The following VPS13A variants were observed in gnomAD, a reference collection of about 807,000 sequenced individuals.
VPS13A encodes vacuolar protein sorting 13 homolog A.
Under a neutral mutation model 390.9 loss-of-function variants are expected in VPS13A, and 264 were observed. The ratio of observed to expected loss-of-function variants is 0.68; its 90% CI spans 0.61 to 0.75. VPS13A has a LOEUF of 0.75. VPS13A is among the 30% of genes least tolerant of loss of function. The pLI is 0.00. For missense variants in VPS13A, 3,409 were observed against 3,733.9 expected (o/e 0.91, Z 2.27); for synonymous variants, 1,231 against 1,227.1 (o/e 1.00, Z -0.07).
At chr9:77,400,887 C>G (rs958108648) in intron 68 of VPS13A, among the ~76,000 whole-genome samples, 3 of 150,006 alleles carry the variant, frequency 2.0e-5, no homozygotes, top group Non-Finnish European at 3.0e-5. Flanking sequence ...TAGTTATTTT[C>G]TATACTTAAA....
rs1231972759 is a variant in VPS13A, at chr9:77,260,903, C to A, written c.2427+679C>A. On this transcript the variant is annotated intron_variant, in intron 23 of 71. Transcript: ENST00000360280. ...GTGTGTATACATACATGTATATATTCATTTTTTTTTTTTGAAACAGAGCCT... is the reference window on the plus strand; with the variant it reads ...GTGTGTATACATACATGTATATATTAATTTTTTTTTTTTGAAACAGAGCCT... 4.7e-5 allele frequency among the ~76,000 whole-genome samples: 7 copies of A among 150,502 alleles called. No homozygotes were observed. The South Asian group carries it at 1.5e-3, about 32-fold the overall frequency.
At chr9:77,358,968 G>C (rs529399301) in intron 57 of VPS13A, among the ~76,000 whole-genome samples, 380 of 152,022 alleles carry the variant, frequency 2.5e-3, no homozygotes, top group Non-Finnish European at 4.3e-3. Context: ...AACTATCCTG[G>C]GGGGAGTACT....
At chr9:77,252,378 T>TA (rs774505453) in intron 22 of VPS13A, 26 bp downstream of exon 22, 49 of 1,563,362 alleles carry the variant, frequency 3.1e-5, no homozygotes, top group Non-Finnish European at 8.8e-7. Context: ...TTCATGTGAA[T>TA]ATGGATTTTC....
intron 11 of VPS13A, 28 bp downstream of exon 11, chr9:77,220,109 T>C (rs745935308): frequency 1.1e-5 from 17 of 1,583,870 alleles, no homozygotes; most frequent in Non-Finnish European, 8.6e-6. Flanking sequence ...AATTTTCAAT[T>C]GTGAATTATT....
At position 77,228,213 on chromosome 9, in the gene VPS13A, T is replaced by C. The variant is rs201582330; in HGVS notation, c.1544T>C (p.Ile515Thr). ...HQKPELVDIV[I>T]EEFSTLIVQR... is the part of the protein sequence containing the mutation. ...AAACCTGAGCTGGTAGATATTGTAA[T>C]AGAAGAATTTAGCACCTTAATTGTG... Residue 515 changes from isoleucine to threonine, a missense_variant, in exon 17 of 72, where the codon ATA becomes ACA. Ile to Thr is a moderately conservative substitution (Grantham distance 89). Coordinates refer to ENST00000360280, the MANE Select transcript of VPS13A (RefSeq NM_033305.3). 5.0e-6 allele frequency: 8 copies of C among 1,603,800 alleles called. No homozygotes were observed. The highest frequency in any genetic ancestry group is 1.3e-5 in the African/African-American group (1 of 74,776).
At position 77,339,539 on chromosome 9, in the gene VPS13A, T is replaced by C. The variant is rs750234482; in HGVS notation, c.6402T>C (p.Thr2134=). The C allele has an allele frequency of 1.3e-6, 2 of 1,555,854 alleles. No individual in the cohort carries two copies. The highest frequency in any genetic ancestry group is 1.2e-5 in the South Asian group (1 of 83,770). ...AGGGAATTGAAAATTCGGTTTTTACTCTAAGTGAAGGACATTCAGCCCAGA... is the reference window on the plus strand; with the variant it reads ...AGGGAATTGAAAATTCGGTTTTTACCCTAAGTGAAGGACATTCAGCCCAGA... ...YIEGIENSVF[T]LSEGHSAQIC... Residue 2134 remains threonine, a synonymous_variant, in exon 48 of 72, where the codon ACT becomes ACC. Coordinates refer to ENST00000360280, the MANE Select transcript of VPS13A (RefSeq NM_033305.3).
At position 77,213,675 on chromosome 9, in the gene VPS13A, AT is replaced by A. The variant is rs1335002962; in HGVS notation, c.696+368del. Among the ~76,000 whole-genome samples the A allele has an allele frequency of 4.0e-5, 6 of 151,772 alleles. No individual in the cohort carries two copies. The South Asian group carries it at 1.0e-3, about 26-fold the overall frequency. ...GCCACCATGCCCAGCTAATTTTTAA[AT>A]TTTTTTGTAGAGACAAGGTCTCACT... is the stretch of plus-strand genomic sequence containing the variant. On this transcript the variant is annotated intron_variant, in intron 9 of 71. Transcript: ENST00000360280.
chr9:77,368,510 A>AT (rs138174176), intron 62 of VPS13A, among the ~76,000 whole-genome samples: 9,123 of 152,226 alleles, frequency 0.06, 377 homozygotes, highest in South Asian at 0.12. Flanking sequence ...AGCCAGATGT[A>AT]TTTTTTTAAC....
At chr9:77,237,334 C>T (rs1824208345) in intron 17 of VPS13A, among the ~76,000 whole-genome samples, 1 of 152,060 alleles carries the variant, frequency 6.6e-6, no homozygotes, top group African/African-American at 2.4e-5. Flanking sequence ...TCTCGAAGTC[C>T]TGCCTCATCC....
intron 58 of VPS13A, among the ~76,000 whole-genome samples, chr9:77,360,124 A>G (rs17340032): frequency 0.058 from 8,755 of 152,060 alleles, 370 homozygotes; most frequent in South Asian, 0.12. Context: ...TTTATTGTTC[A>G]TGTGTACCTA....
intron 1 of VPS13A, among the ~76,000 whole-genome samples, chr9:77,179,706 G>A (rs1160976785): frequency 7.1e-6 from 1 of 141,200 alleles, no homozygotes; most frequent in African/African-American, 2.6e-5. Flanking sequence ...TTTTTTTTGA[G>A]ATTTATTTCA....
intron 23 of VPS13A, among the ~76,000 whole-genome samples, chr9:77,265,293 G>A (rs1825974125): frequency 6.6e-6 from 1 of 152,178 alleles, no homozygotes; most frequent in Non-Finnish European, 1.5e-5. Context: ...TTTGGTAGCA[G>A]GATGAGGCTG....
intron 33 of VPS13A, among the ~76,000 whole-genome samples, chr9:77,300,064 C>A (rs867417919): frequency 6.6e-6 from 1 of 152,066 alleles, no homozygotes; most frequent in South Asian, 2.1e-4. Context: ...GCACATTCTG[C>A]ACATGTATCC....
At chr9:77,204,379 C>G (rs747332968) in intron 3 of VPS13A, among the ~76,000 whole-genome samples, 1 of 151,750 alleles carries the variant, frequency 6.6e-6, no homozygotes, top group Non-Finnish European at 1.5e-5. Context: ...TTCAAGAACC[C>G]TTACGCTTAA....
At chr9:77,340,651 T>C in intron 50 of VPS13A, 101 bp downstream of exon 50, 1 of 1,442,006 alleles carries the variant, frequency 6.9e-7, no homozygotes, top group African/African-American at 1.4e-5. Flanking sequence ...CTCCCCTTAC[T>C]CCAATTTTGT....
At chr9:77,340,137 G>T in intron 48 of VPS13A, 41 bp from the exon 49 acceptor site, 1 of 1,566,712 alleles carries the variant, frequency 6.4e-7, no homozygotes, top group Non-Finnish European at 8.8e-7. Flanking sequence ...AATTTTTAAA[G>T]GTACCTAAAT....
chr9:77,299,115 T>C (rs1056654676), intron 33 of VPS13A, among the ~76,000 whole-genome samples: 2 of 152,226 alleles, frequency 1.3e-5, no homozygotes, highest in African/African-American at 4.8e-5. Context: ...TCCATTGGTC[T>C]ATATATCCGT....
chr9:77,370,713 C>A, intron 65 of VPS13A, 135 bp downstream of exon 65: 1 of 1,387,614 alleles, frequency 7.2e-7, no homozygotes, highest in Non-Finnish European at 1.0e-6. Flanking sequence ...TGGGTGGTAG[C>A]ATATAAAACA....
intron 68 of VPS13A, among the ~76,000 whole-genome samples, chr9:77,397,179 C>T (rs1045756285): frequency 6.6e-6 from 1 of 151,988 alleles, no homozygotes; most frequent in Non-Finnish European, 1.5e-5. Flanking sequence ...TTAGTGGAGA[C>T]GGGGTCTCAC....
Sources: gnomAD v4.1 joint callset for allele counts (sites outside exome capture counted in the v4.1 genomes callset) on GRCh38, gnomAD v4.1.1 for gene constraint, MANE v1.5 for transcripts, NCBI Gene and HGNC (gene_info 2026-07-23, HGNC 2026-07-21) for gene names.